ASAP3: variants seen among roughly 807,000 people sequenced by gnomAD.
The protein encoded by ASAP3 is ArfGAP with SH3 domain, ankyrin repeat and PH domain 3.
ASAP3 carries 85 observed loss-of-function variants against 118.2 expected under a neutral mutation model. That is an observed-to-expected ratio of 0.72 (90% confidence interval 0.60 to 0.86). ASAP3 has a LOEUF of 0.86. ASAP3 is among the 40% of genes least tolerant of loss of function. The pLI, the probability that ASAP3 is intolerant of heterozygous loss-of-function variation, is 0.00. For synonymous variants in ASAP3, 432 were observed against 477.4 expected (o/e 0.90, Z 1.24); for missense variants, 1,026 against 1,175.0 (o/e 0.87, Z 1.85).
chr1:23,450,706 A>G (rs1375238298), intron 5 of ASAP3, among the ~76,000 whole-genome samples: 1 of 152,098 alleles, frequency 6.6e-6, no homozygotes. Context: ...TTACTTCTCC[A>G]TATTTTCAAA....
At chr1:23,430,984 C>T (rs1342911409) in intron 24 of ASAP3, 51 bp downstream of exon 24, 1 of 1,473,716 alleles carries the variant, frequency 6.8e-7, no homozygotes. Context: ...CTAACTCTGC[C>T]TCCCAGGCAC....
At chr1:23,433,336 G>A (rs746855530) in intron 21 of ASAP3, 64 bp from the exon 22 acceptor site, 177 of 1,609,678 alleles carry the variant, frequency 1.1e-4, no homozygotes, top group Admixed American at 8.5e-4. Flanking sequence ...CTGTCCCCCC[G>A]CCTCACCGCC....
chr1:23,456,269 A>G (rs1641383089), intron 1 of ASAP3, 75 bp from the exon 2 acceptor site: 11 of 1,423,330 alleles, frequency 7.7e-6, no homozygotes, highest in Middle Eastern at 1.9e-4. Flanking sequence ...CGCTGTATCT[A>G]TGATTTCCAC....
intron 5 of ASAP3, among the ~76,000 whole-genome samples, chr1:23,449,164 G>A (rs1013282542): frequency 2.0e-5 from 3 of 152,228 alleles, no homozygotes; most frequent in Non-Finnish European, 4.4e-5. Context: ...ACCAGCAGAT[G>A]TGTGGGTTTC....
chr1:23,430,018 G>A, intron 24 of ASAP3, 88 bp from the exon 25 acceptor site: 1 of 1,084,994 alleles, frequency 9.2e-7, no homozygotes, highest in Non-Finnish European at 1.3e-6. Flanking sequence ...CTGTCCTATT[G>A]TAGATAAATT....
In ASAP3 at chr1:23,436,664, T is replaced by C. The variant is rs200670599; in HGVS notation, c.1477-10A>G. ...CCATGTTCAAGGCCAGCTGGAGTCG[T>C]AGGAAAATAGACGTGGGGCGGAGTA... On this transcript the variant is annotated splice_polypyrimidine_tract_variant and intron_variant, in intron 15 of 24. Coordinates refer to ENST00000336689, the MANE Select transcript of ASAP3 (RefSeq NM_017707.4). This position sits in a 1 kb window ranked among gnomAD's most constrained non-coding sequence, Gnocchi z 4.2. 42 of 1,614,048 alleles carry C rather than the reference T, an allele frequency of 2.6e-5. No homozygotes were observed. In the East Asian group the frequency reaches 7.4e-4, roughly 28 times the overall value.
chr1:23,430,031 A>G (rs1640369293), intron 24 of ASAP3, 101 bp from the exon 25 acceptor site: 3 of 984,558 alleles, frequency 3.0e-6, no homozygotes, highest in Non-Finnish European at 4.5e-6. Context: ...GATAAATTAA[A>G]TTATTCTCAT....
intron 3 of ASAP3, among the ~76,000 whole-genome samples, chr1:23,454,970 A>T (rs2148635560): frequency 6.6e-6 from 1 of 152,288 alleles, no homozygotes; most frequent in African/African-American, 2.4e-5. Context: ...CTGCCTCTCA[A>T]GGATGATGTG....
intron 5 of ASAP3, among the ~76,000 whole-genome samples, chr1:23,446,294 TC>T (rs1283867800): frequency 1.3e-5 from 2 of 152,234 alleles, no homozygotes; most frequent in African/African-American, 4.8e-5. Flanking sequence ...TGAGCTTGTT[TC>T]CCCATTTGGA....
chr1:23,461,448 T>C (rs1025315130), intron 1 of ASAP3, among the ~76,000 whole-genome samples: 1 of 151,936 alleles, frequency 6.6e-6, no homozygotes, highest in African/African-American at 2.4e-5. Flanking sequence ...GGCGGGAGGA[T>C]TGCTTGAGCC....
In ASAP3 at chr1:23,436,144, G is replaced by A. The variant is rs1640645951; in HGVS notation, c.1572-116C>T. On this transcript the variant is annotated intron_variant, in intron 16 of 24. Coordinates refer to ENST00000336689, the MANE Select transcript of ASAP3 (RefSeq NM_017707.4). The surrounding 1 kb of genome is among the most constrained non-coding windows in gnomAD (Gnocchi z 4.2). ...TTCTCCAGAACCATGTCCTGAAGACGTCTAGATCTGAGGCTCCCCTCTCCC... is the reference window on the plus strand; with the variant it reads ...TTCTCCAGAACCATGTCCTGAAGACATCTAGATCTGAGGCTCCCCTCTCCC... The A allele has an allele frequency of 3.4e-6, 4 of 1,175,362 alleles. No homozygotes were observed. The highest frequency in any genetic ancestry group is 2.9e-5 in the South Asian group (2 of 70,142). 72.8% of individuals were successfully genotyped at this position (1,175,362 alleles called of 1,614,324 possible). A position where few individuals can be genotyped will look rare whatever the true frequency, so the allele number is the denominator to read the frequency against.
intron 1 of ASAP3, among the ~76,000 whole-genome samples, chr1:23,464,256 G>C (rs1042753432): frequency 6.7e-6 from 1 of 149,956 alleles, no homozygotes; most frequent in Non-Finnish European, 1.5e-5. Context: ...GTGTGATCTC[G>C]GCTCACTGCA....
At chr1:23,467,986 T>C (rs1177576231) in intron 1 of ASAP3, among the ~76,000 whole-genome samples, 1 of 144,072 alleles carries the variant, frequency 6.9e-6, no homozygotes, top group Non-Finnish European at 1.5e-5. Flanking sequence ...AAAAAAAAAA[T>C]ACAACCTAAA....
At chr1:23,477,930 G>A (rs1642186041) in intron 1 of ASAP3, among the ~76,000 whole-genome samples, 1 of 152,112 alleles carries the variant, frequency 6.6e-6, no homozygotes, top group Admixed American at 6.6e-5. Context: ...AGACTGTAAG[G>A]TCCACAGGGC....
At position 23,437,627 on chromosome 1, in the gene ASAP3, T is replaced by G. The variant is rs1558119906; in HGVS notation, c.1103-155A>C. On this transcript the variant is annotated intron_variant, in intron 12 of 24. Coordinates refer to ENST00000336689, the MANE Select transcript of ASAP3 (RefSeq NM_017707.4). The surrounding 1 kb of genome is among the most constrained non-coding windows in gnomAD (Gnocchi z 6.1). ...GAGTGGGAAGGGAGTGGAATGACAG[T>G]GGCCAGCACCAGGGGCAGTTTCTCA... Among the ~76,000 whole-genome samples the G allele has an allele frequency of 6.6e-6, 1 of 152,128 alleles. No individual in the cohort carries two copies. Among genetic ancestry groups the G allele is most frequent in the Non-Finnish European group, 1.5e-5 (1 of 67,998 alleles).
At position 23,437,305 on chromosome 1, in the gene ASAP3, C is replaced by T. The variant is rs1362697688; in HGVS notation, c.1167G>A (p.Leu389=). Residue 389 remains leucine, a synonymous_variant, in exon 14 of 25, where the codon TTG becomes TTA. Transcript: ENST00000336689. The surrounding 1 kb of genome is among the most constrained non-coding windows in gnomAD (Gnocchi z 6.1). Reference sequence around the variant, plus strand: ...TCAGGGCTTCGTCCTTGCTGTTCTGCAACACTGACACCCACCTGCGGAGAT... The same window carrying T: ...TCAGGGCTTCGTCCTTGCTGTTCTGTAACACTGACACCCACCTGCGGAGAT... ...EHECEAWVSV[L]QNSKDEALSS... 6.2e-7 allele frequency: 1 copy of T among 1,609,908 alleles called. No homozygotes were observed. Among genetic ancestry groups the T allele is most frequent in the South Asian group, 1.1e-5 (1 of 90,598 alleles).
At chr1:23,434,944 G>A (rs1640585001) in intron 17 of ASAP3, among the ~76,000 whole-genome samples, 1 of 152,044 alleles carries the variant, frequency 6.6e-6, no homozygotes, top group African/African-American at 2.4e-5. Context: ...ACATGTGCAG[G>A]CTGTTCCAAA....
Position 23,437,424 on chromosome 1 carries a change from G to A in ASAP3, c.1151C>T (p.Ala384Val). The stretch of plus-strand genomic sequence containing the variant: ...CCGGGCTGGCCGAGGGGGCACTCAC[G>A]CCTCACACTCGTGCTCGTCCTCTGC... Reference protein sequence around the residue: ...FQAEDEHECEAWVSVLQNSKD... With the variant: ...FQAEDEHECEVWVSVLQNSKD... Residue 384 changes from alanine (A) to valine (V), a missense_variant and splice_region_variant, in exon 13 of 25, where the codon GCG (alanine) becomes GTG (valine). By Grantham distance (64) the Ala-to-Val change is moderately conservative. Transcript: ENST00000336689. This position sits in a 1 kb window ranked among gnomAD's most constrained non-coding sequence, Gnocchi z 6.1. 9 of 1,613,928 alleles carry A rather than the reference G, an allele frequency of 5.6e-6. No individual in the cohort carries two copies. The highest frequency in any genetic ancestry group is 1.6e-4 in the Middle Eastern group (1 of 6,062).
Position 23,431,757 on chromosome 1 carries a change from A to G in ASAP3, c.2485T>C (p.Ser829Pro), listed in dbSNP as rs775080630. The stretch of plus-strand genomic sequence containing the variant: ...GTCCCGGATGTCAGGCTGGGTCTGG[A>G]GGTGCCTGGGGGCTCTCGGAGGCCC... Reference protein sequence around the residue: ...EEGLREPPGTSRPSLTSGTTP... With the variant: ...EEGLREPPGTPRPSLTSGTTP... Residue 829 changes from serine (S) to proline (P), a missense_variant, in exon 23 of 25, where the codon TCC (serine) becomes CCC (proline). By Grantham distance (74) the Ser-to-Pro change is moderately conservative. Transcript: ENST00000336689. The G allele has an allele frequency of 6.5e-7, 1 of 1,528,096 alleles. No homozygotes were observed. The highest frequency in any genetic ancestry group is 8.7e-7 in the Non-Finnish European group (1 of 1,144,004). 94.7% of individuals were successfully genotyped at this position (1,528,096 alleles called of 1,614,324 possible). A position where few individuals can be genotyped will look rare whatever the true frequency, so the allele number is the denominator to read the frequency against.
Sources: allele counts gnomAD v4.1 joint callset (sites outside exome capture counted in the v4.1 genomes callset), GRCh38; gene constraint gnomAD v4.1.1; non-coding constraint Gnocchi (gnomAD v3.1); transcripts MANE v1.5; gene names NCBI Gene and HGNC (gene_info 2026-07-23, HGNC 2026-07-21).